Variants in AGBL1 observed in about 807,000 individuals in gnomAD.
AGBL1 encodes the protein cytosolic carboxypeptidase 4.
A neutral mutation model predicts 118.9 loss-of-function variants in AGBL1; 130 were observed. The observed-to-expected ratio is 1.09, with a 90% CI of 0.95 to 1.26. The LOEUF (loss-of-function observed/expected upper bound fraction) is 1.26, where lower values mean the gene tolerates loss of function less well. Ranked by LOEUF, AGBL1 falls within the 50% of genes most tolerant of loss-of-function variation. AGBL1 has a pLI of 0.00. For synonymous variants in AGBL1, 555 were observed against 478.9 expected, an observed-to-expected ratio of 1.16 and a Z score of -2.08; for missense variants, 1,584 against 1,298.1, an observed-to-expected ratio of 1.22 and a Z score of -3.38.
chr15:86,494,807 C>T (rs1468315668), intron 18 of AGBL1, among the ~76,000 whole-genome samples: 3 of 151,966 alleles, frequency 2.0e-5, no homozygotes, highest in Admixed American at 1.3e-4. Flanking sequence ...ATATCAGGAG[C>T]CATTATTACT....
At chr15:86,872,552 G>A (rs1004946850) in intron 22 of AGBL1, among the ~76,000 whole-genome samples, 2 of 152,092 alleles carry the variant, frequency 1.3e-5, no homozygotes, top group African/African-American at 2.4e-5. Context: ...TCAGGAGTTC[G>A]AGACCAGCCT....
chr15:86,900,590 T>A (rs2080197797), intron 22 of AGBL1, among the ~76,000 whole-genome samples: 1 of 152,284 alleles, frequency 6.6e-6, no homozygotes, highest in South Asian at 2.1e-4. Flanking sequence ...TTTTTGGACT[T>A]TTATTTTTTG....
At chr15:86,513,006 G>A (rs2083071941) in intron 18 of AGBL1, among the ~76,000 whole-genome samples, 1 of 151,460 alleles carries the variant, frequency 6.6e-6, no homozygotes, top group African/African-American at 2.4e-5. Context: ...CAAAGTTACA[G>A]TAATAGTATA....
At chr15:86,882,409 A>G (rs1455938428) in intron 22 of AGBL1, among the ~76,000 whole-genome samples, 5 of 152,192 alleles carry the variant, frequency 3.3e-5, no homozygotes, top group African/African-American at 4.8e-5. Context: ...ATTGAATTCT[A>G]TCCTTTCTGA....
chr15:86,850,538 G>A (rs978979029), intron 22 of AGBL1, among the ~76,000 whole-genome samples: 7 of 152,118 alleles, frequency 4.6e-5, no homozygotes, highest in Admixed American at 4.6e-4. Flanking sequence ...GTTTGCTCCT[G>A]TTCCAGATAA....
chr15:86,612,397 C>T (rs1370740665), intron 21 of AGBL1, among the ~76,000 whole-genome samples: 2 of 132,410 alleles, frequency 1.5e-5, no homozygotes, highest in African/African-American at 5.8e-5. Context: ...CAAGGGGATT[C>T]CAAAAAAACC....
intron 15 of AGBL1, among the ~76,000 whole-genome samples, chr15:86,274,547 G>A (rs979164679): frequency 1.3e-5 from 2 of 152,136 alleles, no homozygotes; most frequent in Admixed American, 6.5e-5. Flanking sequence ...ATACCTTGCC[G>A]GAAGCTAAAA....
At chr15:87,030,013 GA>G (rs1017329286), downstream of AGBL1, among the ~76,000 whole-genome samples, 391 of 149,796 alleles carry the variant, frequency 2.6e-3, 5 homozygotes, top group Admixed American at 0.021. Flanking sequence ...AAGGATAAAT[GA>G]AAAAAAAATC....
At chr15:86,422,695 T>A (rs936486526) in intron 18 of AGBL1, among the ~76,000 whole-genome samples, 26 of 151,906 alleles carry the variant, frequency 1.7e-4, no homozygotes, top group African/African-American at 5.8e-4. Context: ...GATAGACCAC[T>A]AGCCAGACTA....
At chr15:86,817,491 C>CACAG (rs1200021787) in intron 22 of AGBL1, among the ~76,000 whole-genome samples, 1 of 144,368 alleles carries the variant, frequency 6.9e-6, no homozygotes, top group Admixed American at 6.9e-5. Flanking sequence ...CACACACACA[C>CACAG]AGAGGAGAGA....
intron 17 of AGBL1, among the ~76,000 whole-genome samples, chr15:86,334,929 A>G (rs928865250): frequency 6.6e-6 from 1 of 152,236 alleles, no homozygotes; most frequent in Non-Finnish European, 1.5e-5. Context: ...CAACAGGCAT[A>G]TTTAAGAAAA....
At chr15:86,370,487 G>C (rs2080956619) in intron 17 of AGBL1, among the ~76,000 whole-genome samples, 1 of 151,878 alleles carries the variant, frequency 6.6e-6, no homozygotes, top group Non-Finnish European at 1.5e-5. Flanking sequence ...GTAGAGACCG[G>C]GTTTCACCAT....
chr15:86,640,732 G>A (rs957771338), intron 21 of AGBL1, among the ~76,000 whole-genome samples: 4 of 151,966 alleles, frequency 2.6e-5, no homozygotes, highest in African/African-American at 9.7e-5. Flanking sequence ...TACTTCCTTA[G>A]GAATTAAGAG....
At chr15:86,393,624 G>A (rs532899225) in intron 17 of AGBL1, among the ~76,000 whole-genome samples, 1 of 152,266 alleles carries the variant, frequency 6.6e-6, no homozygotes, top group East Asian at 1.9e-4. Flanking sequence ...TAGTAGGAAA[G>A]TTGACCTCCC....
chr15:86,622,197 C>A (rs369720830), intron 21 of AGBL1, among the ~76,000 whole-genome samples: 2 of 151,818 alleles, frequency 1.3e-5, no homozygotes, highest in South Asian at 2.1e-4. Flanking sequence ...AAGCGTGGTG[C>A]TGGGCACCTG....
chr15:86,100,187 C>A (rs1450128862), intron 1 of AGBL1, among the ~76,000 whole-genome samples: 1 of 152,106 alleles, frequency 6.6e-6, no homozygotes, highest in East Asian at 1.9e-4. Flanking sequence ...GTATAAATCC[C>A]ACTTGACCAT....
At chr15:86,715,487 C>T (rs1429724737) in intron 22 of AGBL1, among the ~76,000 whole-genome samples, 1 of 152,142 alleles carries the variant, frequency 6.6e-6, no homozygotes, top group Non-Finnish European at 1.5e-5. Context: ...ATCCCATTTT[C>T]ATGGTGATTT....
intron 22 of AGBL1, among the ~76,000 whole-genome samples, chr15:86,904,062 T>C (rs1219580238): frequency 1.3e-5 from 2 of 151,142 alleles, no homozygotes; most frequent in Non-Finnish European, 3.0e-5. Context: ...TGCTGGCTTT[T>C]CTGTGGTGTT....
intron 17 of AGBL1, among the ~76,000 whole-genome samples, chr15:86,339,861 G>A (rs914628629): frequency 6.6e-6 from 1 of 151,986 alleles, no homozygotes; most frequent in Non-Finnish European, 1.5e-5. Flanking sequence ...AGCTACTCGG[G>A]AGGCTGAGGC....
Sources: allele counts gnomAD v4.1 joint callset (sites outside exome capture counted in the v4.1 genomes callset), GRCh38; gene constraint gnomAD v4.1.1; transcripts MANE v1.5; gene names NCBI Gene and HGNC (gene_info 2026-07-23, HGNC 2026-07-21).